Variants in ARHGAP5 observed in about 807,000 individuals in gnomAD.
The protein encoded by ARHGAP5 is rho GTPase-activating protein 5.
Under a neutral mutation model 116.6 loss-of-function variants are expected in ARHGAP5, and 23 were observed. The observed-to-expected ratio is 0.20, with a 90% confidence interval of 0.14 to 0.28. ARHGAP5 has a LOEUF of 0.28. Among genes scored for constraint, ARHGAP5 ranks in the 10% least tolerant of loss-of-function variants. The pLI, the probability that ARHGAP5 is intolerant of heterozygous loss-of-function variation, is 1.00. For synonymous variants in ARHGAP5, 574 were observed against 602.0 expected (o/e 0.95, Z 0.68); for missense variants, 1,405 against 1,774.8 (o/e 0.79, Z 3.74).
chr14:32,098,590 T>C (rs1228864002), intron 2 of ARHGAP5, among the ~76,000 whole-genome samples: 1 of 152,206 alleles, frequency 6.6e-6, no homozygotes, highest in African/African-American at 2.4e-5. Flanking sequence ...ATAAACTTTC[T>C]GTAAAGGGCC....
intron 2 of ARHGAP5, among the ~76,000 whole-genome samples, chr14:32,102,198 C>A (rs558559364): frequency 1.6e-4 from 24 of 152,182 alleles, no homozygotes; most frequent in Non-Finnish European, 3.5e-4. Context: ...TGAAAACATC[C>A]CCTTAGGGGA....
rs1215888526 is a variant in ARHGAP5, at chr14:32,093,456, G to A, written c.2787G>A (p.Glu929=). 36 of 1,613,126 alleles carry A rather than the reference G, an allele frequency of 2.2e-5. No homozygotes were observed. Among genetic ancestry groups the A allele is most frequent in the Non-Finnish European group, 3.1e-5 (36 of 1,179,792 alleles). ...YSLSQYHRQT[E]VFTLFFSDVL... ...TATCTCAGTATCATCGGCAAACTGA[G>A]GTCTTTACTCTGTTTTTTAGTGATG... The change falls in exon 2 of 7, where the codon GAG becomes GAA. Residue 929 remains glutamate (E), a synonymous_variant. Coordinates refer to ENST00000345122, the MANE Select transcript of ARHGAP5 (RefSeq NM_001030055.2).
intron 3 of ARHGAP5, among the ~76,000 whole-genome samples, chr14:32,137,384 C>T (rs1284282796): frequency 6.6e-6 from 1 of 151,516 alleles, no homozygotes; most frequent in Non-Finnish European, 1.5e-5. Flanking sequence ...GCCATAGATA[C>T]ATGGGTTTAT....
At chr14:32,099,636 C>G (rs1878699580) in intron 2 of ARHGAP5, among the ~76,000 whole-genome samples, 1 of 152,312 alleles carries the variant, frequency 6.6e-6, no homozygotes, top group African/African-American at 2.4e-5. Flanking sequence ...TACATCAGGC[C>G]TGAAATACCT....
intron 2 of ARHGAP5, among the ~76,000 whole-genome samples, chr14:32,116,896 C>T (rs1280811614): frequency 6.6e-6 from 1 of 152,168 alleles, no homozygotes; most frequent in African/African-American, 2.4e-5. Flanking sequence ...CCTGACCTAT[C>T]AAGTCTGTTA....
chr14:32,131,233 T>A (rs1880470167), intron 3 of ARHGAP5, among the ~76,000 whole-genome samples: 1 of 151,966 alleles, frequency 6.6e-6, no homozygotes, highest in African/African-American at 2.4e-5. Flanking sequence ...AATCATGTAT[T>A]ACTTTTCTTG....
At chr14:32,103,823 A>G (rs1878895368) in intron 2 of ARHGAP5, among the ~76,000 whole-genome samples, 1 of 152,140 alleles carries the variant, frequency 6.6e-6, no homozygotes, top group African/African-American at 2.4e-5. Context: ...AAGAAGAGAA[A>G]CCCCAGAGCA....
At chr14:32,081,706 ATT>A (rs1383860341) in intron 1 of ARHGAP5, among the ~76,000 whole-genome samples, 2 of 152,078 alleles carry the variant, frequency 1.3e-5, no homozygotes, top group African/African-American at 4.8e-5. Flanking sequence ...TAGTTACTGT[ATT>A]TGGTTTGTCA....
At chr14:32,082,341 T>A (rs1244609403) in intron 1 of ARHGAP5, among the ~76,000 whole-genome samples, 1 of 152,240 alleles carries the variant, frequency 6.6e-6, no homozygotes, top group Non-Finnish European at 1.5e-5. Context: ...TTTATGTTAA[T>A]AATCCTGAAC....
chr14:32,152,431 G>C lies in ARHGAP5; in HGVS notation c.4084G>C (p.Asp1362His). Residue 1362 changes from aspartate to histidine, a missense_variant, in exon 6 of 7, where the codon GAT becomes CAT. By Grantham distance (81) the Asp-to-His change is moderately conservative. This residue lies in a region of ARHGAP5 where 176 missense variants were observed against 221.2 expected (regional missense o/e 0.80). Transcript: ENST00000345122. Reference protein sequence around the residue: ...PELLEAAKIPDKTERLHALKE... With the variant: ...PELLEAAKIPHKTERLHALKE... Reference sequence around the variant, plus strand: ...CTGTTTTAATTTTACAGAAATCCCGGATAAAACAGAACGTCTTCATGCCTT... The same window carrying C: ...CTGTTTTAATTTTACAGAAATCCCGCATAAAACAGAACGTCTTCATGCCTT... 6.3e-7 allele frequency: 1 copy of C among 1,594,530 alleles called. No individual in the cohort carries two copies. The highest frequency in any genetic ancestry group is 8.5e-7 in the Non-Finnish European group (1 of 1,171,904).
At chr14:32,106,382 G>A (rs1340691051) in intron 2 of ARHGAP5, among the ~76,000 whole-genome samples, 1 of 152,184 alleles carries the variant, frequency 6.6e-6, no homozygotes, top group Non-Finnish European at 1.5e-5. Flanking sequence ...GCCTCCCAAA[G>A]TGCTGGGATT....
Position 32,092,949 on chromosome 14 carries a change from T to C in ARHGAP5, c.2280T>C (p.Asn760=), listed in dbSNP as rs749791343. The change falls in exon 2 of 7, where the codon AAT becomes AAC. Residue 760 remains asparagine, a synonymous_variant. Transcript: ENST00000345122. This position sits in a 1 kb window ranked among gnomAD's most constrained non-coding sequence, Gnocchi z 4.1. ...GAGTATTGGAATCAGTTAAACACAA[T>C]TTGGATGTGGTGAGCCCAATTCCTG... ...LRGVLESVKH[N]LDVVSPIPAN... 1.9e-6 allele frequency: 3 copies of C among 1,613,998 alleles called. No individual in the cohort carries two copies. The highest frequency in any genetic ancestry group is 1.1e-5 in the South Asian group (1 of 91,074).
intron 1 of ARHGAP5, among the ~76,000 whole-genome samples, chr14:32,082,322 A>T (rs1247497331): frequency 9.2e-5 from 14 of 152,212 alleles, no homozygotes; most frequent in Admixed American, 9.2e-4. Flanking sequence ...GAAGTTTATG[A>T]TGCTGAAATT....
intron 3 of ARHGAP5, among the ~76,000 whole-genome samples, chr14:32,145,337 G>A (rs1477256482): frequency 6.6e-6 from 1 of 152,210 alleles, no homozygotes; most frequent in Admixed American, 6.5e-5. Context: ...CCACTGACAA[G>A]AGTGAGGAGG....
intron 3 of ARHGAP5, among the ~76,000 whole-genome samples, chr14:32,133,342 A>T (rs1362932328): frequency 2.6e-5 from 4 of 152,050 alleles, no homozygotes; most frequent in South Asian, 2.1e-4. Context: ...ATTCTCTTTG[A>T]AGCAATTGTG....
rs185039719 is a variant in ARHGAP5 at position 32,107,840 on chromosome 14, G to A, written c.3718-9300G>A. Among the ~76,000 whole-genome samples, 190 of 152,288 alleles carry A rather than the reference G, an allele frequency of 1.2e-3. 2 individuals are homozygous for A. The highest frequency in any genetic ancestry group is 4.3e-3 in the Admixed American group (66 of 15,294). On this transcript the variant is annotated intron_variant, in intron 2 of 6. Transcript: ENST00000345122. ...CTGGTACTCAGAGGAAGAGTTATCA[G>A]GATGTATAAAGGATTTAAAGTTTTG...
At chr14:32,135,527 G>A (rs555506451) in intron 3 of ARHGAP5, among the ~76,000 whole-genome samples, 160 of 152,280 alleles carry the variant, frequency 1.1e-3, no homozygotes, top group African/African-American at 3.8e-3. Flanking sequence ...GGTTCAAGCA[G>A]TTCTCCTGCC....
chr14:32,098,398 A>G (rs1006767343), intron 2 of ARHGAP5, among the ~76,000 whole-genome samples: 1 of 152,208 alleles, frequency 6.6e-6, no homozygotes, highest in Admixed American at 6.5e-5. Context: ...AATGGTGAGG[A>G]AAGGCCTTCT....
intron 2 of ARHGAP5, among the ~76,000 whole-genome samples, chr14:32,105,419 A>C (rs948299383): frequency 6.6e-6 from 1 of 151,512 alleles, no homozygotes; most frequent in South Asian, 2.1e-4. Context: ...TATCACAAAT[A>C]CCTTTTTTAA....
Sources: allele counts gnomAD v4.1 joint callset (sites outside exome capture counted in the v4.1 genomes callset), GRCh38; gene constraint gnomAD v4.1.1; regional missense constraint gnomAD v4.1.1; non-coding constraint Gnocchi (gnomAD v3.1); transcripts MANE v1.5; gene names NCBI Gene and HGNC (gene_info 2026-07-23, HGNC 2026-07-21).